SLC4A10: variants seen among roughly 807,000 people sequenced by gnomAD.
SLC4A10 encodes sodium-driven chloride bicarbonate exchanger.
A neutral mutation model predicts 137.7 loss-of-function variants in SLC4A10; 42 were observed. The ratio of observed to expected loss-of-function variants is 0.30; its 90% CI spans 0.24 to 0.39. The LOEUF (loss-of-function observed/expected upper bound fraction) is 0.39. SLC4A10 is among the 10% of genes least tolerant of loss of function. SLC4A10 has a pLI of 1.00. For synonymous variants in SLC4A10, 474 were observed against 464.1 expected (o/e 1.02, Z -0.27); for missense variants, 925 against 1,355.0 (o/e 0.68, Z 4.98).
intron 2 of SLC4A10, among the ~76,000 whole-genome samples, chr2:161,789,058 G>A (rs1344385614): frequency 1.3e-5 from 2 of 152,224 alleles, no homozygotes; most frequent in Non-Finnish European, 2.9e-5. Context: ...GGCAACACAA[G>A]GACTAAGGTT....
Position 161,796,415 on chromosome 2 carries a change from G to A in SLC4A10, c.131-8034G>A, listed in dbSNP as rs141851108. 2.6e-3 allele frequency among the ~76,000 whole-genome samples: 390 copies of A among 152,272 alleles called. 2 individuals carry two copies. Among genetic ancestry groups the A allele is most frequent in the Non-Finnish European group, 4.5e-3 (308 of 68,024 alleles). ...CCTCAGCTGGATGACTGCCAGCTAG[G>A]GCTTCTCTCTTCATGGTCTCTGATC... On this transcript the variant is annotated intron_variant, in intron 2 of 26. Transcript: ENST00000446997.
chr2:161,909,292 C>T (rs1179619496), intron 15 of SLC4A10, among the ~76,000 whole-genome samples: 2 of 152,056 alleles, frequency 1.3e-5, no homozygotes, highest in African/African-American at 4.8e-5. Flanking sequence ...ACTTTCTCCA[C>T]ATTTCCATCT....
intron 13 of SLC4A10, 134 bp from the exon 14 acceptor site, chr2:161,904,642 C>A: frequency 9.9e-7 from 1 of 1,009,734 alleles, no homozygotes; most frequent in Non-Finnish European, 1.4e-6. Flanking sequence ...TTCTACCCCA[C>A]GTCTTGCCCA....
chr2:161,827,544 AATC>A (rs1345897635), intron 3 of SLC4A10, among the ~76,000 whole-genome samples: 2 of 151,836 alleles, frequency 1.3e-5, no homozygotes, highest in African/African-American at 4.8e-5. Flanking sequence ...TCTCTAATAT[AATC>A]ATCAGTAATA....
chr2:161,918,786 C>A (rs1159118582), intron 15 of SLC4A10, among the ~76,000 whole-genome samples: 1 of 152,092 alleles, frequency 6.6e-6, no homozygotes, highest in Non-Finnish European at 1.5e-5. Flanking sequence ...CGCCTACTTG[C>A]TGCAAAGATG....
intron 18 of SLC4A10, 120 bp from the exon 19 acceptor site, chr2:161,950,567 A>G (rs956287712): frequency 2.5e-6 from 2 of 796,606 alleles, no homozygotes; most frequent in Non-Finnish European, 2.0e-6. Context: ...ATTATTTATT[A>G]TAGGCCACTC....
At chr2:161,954,528 G>A (rs1159116878) in intron 19 of SLC4A10, among the ~76,000 whole-genome samples, 5 of 152,064 alleles carry the variant, frequency 3.3e-5, no homozygotes, top group African/African-American at 1.2e-4. Flanking sequence ...TCTGACAAAG[G>A]GATACTTCTC....
At chr2:161,715,649 T>C (rs899653580) in intron 1 of SLC4A10, among the ~76,000 whole-genome samples, 9 of 152,092 alleles carry the variant, frequency 5.9e-5, no homozygotes, top group Non-Finnish European at 2.9e-5. Flanking sequence ...GCTCCATCCA[T>C]ATCCCTGTAA....
chr2:161,968,886 G>T (rs1698047480), intron 23 of SLC4A10, among the ~76,000 whole-genome samples: 1 of 152,170 alleles, frequency 6.6e-6, no homozygotes, highest in African/African-American at 2.4e-5. Flanking sequence ...CCCGGATCTT[G>T]GTATTCTATT....
chr2:161,761,246 C>T (rs2050225047), intron 1 of SLC4A10, among the ~76,000 whole-genome samples: 1 of 151,910 alleles, frequency 6.6e-6, no homozygotes, highest in South Asian at 2.1e-4. Context: ...GGAGAATCGG[C>T]AACAGAGAGA....
chr2:161,960,804 G>A (rs911312434), intron 21 of SLC4A10, among the ~76,000 whole-genome samples: 7 of 152,086 alleles, frequency 4.6e-5, no homozygotes, highest in African/African-American at 1.7e-4. Context: ...CCTGGAGCTG[G>A]AAGGGGCAAG....
chr2:161,626,491 C>T (rs961768184), intron 1 of SLC4A10, among the ~76,000 whole-genome samples: 3 of 151,980 alleles, frequency 2.0e-5, no homozygotes, highest in African/African-American at 7.2e-5. Context: ...AAAATAGTGA[C>T]AGTTTAATGG....
At chr2:161,857,616 C>A (rs531831161) in intron 5 of SLC4A10, among the ~76,000 whole-genome samples, 1 of 152,022 alleles carries the variant, frequency 6.6e-6, no homozygotes, top group Non-Finnish European at 1.5e-5. Flanking sequence ...TATTTTCTCT[C>A]TATAGTTTGT....
intron 8 of SLC4A10, among the ~76,000 whole-genome samples, chr2:161,875,920 T>A (rs1279750071): frequency 1.3e-5 from 2 of 152,196 alleles, no homozygotes; most frequent in East Asian, 3.8e-4. Flanking sequence ...TCTTGTACTT[T>A]CTATAAGGGG....
At chr2:161,785,159 A>C (rs1271404016) in intron 2 of SLC4A10, among the ~76,000 whole-genome samples, 1 of 151,820 alleles carries the variant, frequency 6.6e-6, no homozygotes, top group African/African-American at 2.4e-5. Flanking sequence ...TCCTAGGAAC[A>C]TAAAATCTAC....
At chr2:161,833,358 C>G (rs1324622311) in intron 3 of SLC4A10, among the ~76,000 whole-genome samples, 1 of 152,144 alleles carries the variant, frequency 6.6e-6, no homozygotes, top group Non-Finnish European at 1.5e-5. Context: ...GGAGATTTCT[C>G]TGGAAGAGAC....
chr2:161,860,105 C>G (rs542924233), intron 5 of SLC4A10, among the ~76,000 whole-genome samples: 1 of 152,120 alleles, frequency 6.6e-6, no homozygotes, highest in Non-Finnish European at 1.5e-5. Context: ...ACTTAAATGT[C>G]ACCCTAGTAT....
intron 15 of SLC4A10, among the ~76,000 whole-genome samples, chr2:161,919,786 G>A (rs1687788590): frequency 6.6e-6 from 1 of 152,162 alleles, no homozygotes; most frequent in Non-Finnish European, 1.5e-5. Flanking sequence ...CACACCCCTG[G>A]CTCACCATGT....
At chr2:161,672,563 A>G (rs1438992307) in intron 1 of SLC4A10, among the ~76,000 whole-genome samples, 1 of 151,536 alleles carries the variant, frequency 6.6e-6, no homozygotes, top group African/African-American at 2.4e-5. Context: ...ACTGAATTAT[A>G]TCTTTGTCTT....
Sources: allele counts gnomAD v4.1 joint callset (sites outside exome capture counted in the v4.1 genomes callset), GRCh38; gene constraint gnomAD v4.1.1; transcripts MANE v1.5; gene names NCBI Gene and HGNC (gene_info 2026-07-23, HGNC 2026-07-21).